ZNF341: variants seen among roughly 807,000 people sequenced by gnomAD.
The protein encoded by ZNF341 is zinc finger protein 341.
A neutral mutation model predicts 87.7 loss-of-function variants in ZNF341; 52 were observed. That is an observed-to-expected ratio of 0.59 (90% confidence interval 0.47 to 0.75). ZNF341 has a LOEUF of 0.75. Ranked by LOEUF, ZNF341 falls within the 30% of genes least tolerant of loss-of-function variation. ZNF341 has a pLI of 0.00. For synonymous variants in ZNF341, 459 were observed against 472.7 expected (o/e 0.97, Z 0.38); for missense variants, 977 against 1,145.9 (o/e 0.85, Z 2.13).
chr20:33,785,183 A>G (rs1293686539), intron 12 of ZNF341, among the ~76,000 whole-genome samples: 1 of 152,156 alleles, frequency 6.6e-6, no homozygotes, highest in Non-Finnish European at 1.5e-5. Context: ...CTCTCACTTC[A>G]GATGGACAAT....
intron 14 of ZNF341, among the ~76,000 whole-genome samples, chr20:33,790,528 TAA>T (rs1207446038): frequency 6.6e-6 from 1 of 151,786 alleles, no homozygotes; most frequent in Non-Finnish European, 1.5e-5. Flanking sequence ...CTCTGGGGGG[TAA>T]AGTCTCCCTT....
At chr20:33,743,736 C>T (rs191228831) in intron 2 of ZNF341, among the ~76,000 whole-genome samples, 9 of 152,324 alleles carry the variant, frequency 5.9e-5, no homozygotes, top group Non-Finnish European at 1.0e-4. Flanking sequence ...GGGTGCTTGA[C>T]ACAGTGAGCG....
intron 10 of ZNF341, 130 bp downstream of exon 10, chr20:33,770,422 G>A (rs574187866): frequency 1.7e-5 from 16 of 928,576 alleles, no homozygotes; most frequent in African/African-American, 1.5e-4. Flanking sequence ...GAGGCTCCTG[G>A]CTGGGGTCCA....
At chr20:33,769,331 A>G (rs2019474790) in intron 9 of ZNF341, among the ~76,000 whole-genome samples, 1 of 130,378 alleles carries the variant, frequency 7.7e-6, no homozygotes, top group Admixed American at 8.3e-5. Context: ...CAGACCCACT[A>G]AGTCAGATTT....
In ZNF341 at chr20:33,732,092, C is replaced by T; in HGVS notation, c.31+40C>T. The T allele has an allele frequency of 1.7e-6, 2 of 1,206,906 alleles. No homozygotes were observed. Among genetic ancestry groups the T allele is most frequent in the Non-Finnish European group, 2.1e-6 (2 of 969,474 alleles). 74.8% of individuals were successfully genotyped at this position (1,206,906 alleles called of 1,614,324 possible). A position where few individuals can be genotyped will look rare whatever the true frequency, so the allele number is the denominator to read the frequency against. On this transcript the variant is annotated intron_variant, in intron 1 of 14. Coordinates refer to ENST00000375200, the MANE Select transcript of ZNF341 (RefSeq NM_001282933.2). This position sits in a 1 kb window ranked among gnomAD's most constrained non-coding sequence, Gnocchi z 4.5. ...GGCCGGCGGAGGCGGCTGTTCCGCGCTGCGCCCCCTCCCGCCGCGCCCTCG... is the reference window on the plus strand; with the variant it reads ...GGCCGGCGGAGGCGGCTGTTCCGCGTTGCGCCCCCTCCCGCCGCGCCCTCG...
Position 33,783,533 on chromosome 20 carries a change from G to A in ZNF341, c.1720-199G>A, listed in dbSNP as rs192590243. Among the ~76,000 whole-genome samples, 7 of 152,284 alleles carry A rather than the reference G, an allele frequency of 4.6e-5. No individual in the cohort carries two copies. The East Asian group carries it at 1.2e-3, about 25-fold the overall frequency. On this transcript the variant is annotated intron_variant, in intron 11 of 14. Transcript: ENST00000375200. ...GGAAGAACATCCGGGCAAAAGCTCAGGGCAGACATGTTTTGTCCGGGCTTG... is the reference window on the plus strand; with the variant it reads ...GGAAGAACATCCGGGCAAAAGCTCAAGGCAGACATGTTTTGTCCGGGCTTG...
Position 33,791,457 on chromosome 20 carries a change from T to C in ZNF341, c.2505T>C (p.Ala835=), listed in dbSNP as rs2626551. 1,063,967 of 1,605,122 alleles carry C rather than the reference T, an allele frequency of 0.66. 359,420 individuals carry two copies. The highest frequency in any genetic ancestry group is 0.94 in the East Asian group (42,318 of 44,804). The change falls in exon 15 of 15, where the codon GCT becomes GCC. Residue 835 remains alanine, a synonymous_variant. Transcript: ENST00000375200. ...GSNLALAELQ[A]GAEGPCAMLA... is the part of the protein sequence containing the mutation. Reference sequence around the variant, plus strand: ...ACCTGGCTCTGGCGGAGCTGCAGGCTGGGGCCGAGGGCCCATGTGCCATGC... The same window carrying C: ...ACCTGGCTCTGGCGGAGCTGCAGGCCGGGGCCGAGGGCCCATGTGCCATGC...
At position 33,755,240 on chromosome 20, in the gene ZNF341, C is replaced by T. The variant is rs193240372; in HGVS notation, c.741+1817C>T. ...GATTACAGGCATGAGCCACCACACC[C>T]GTCCCAACAAGTATTTATTGAGTGC... is the stretch of plus-strand genomic sequence containing the variant. On this transcript the variant is annotated intron_variant, in intron 5 of 14. Transcript: ENST00000375200. Among the ~76,000 whole-genome samples, 38 of 152,252 alleles carry T rather than the reference C, an allele frequency of 2.5e-4. 1 individual carries two copies. The East Asian group carries it at 7.0e-3, about 28-fold the overall frequency.
At chr20:33,733,634 A>G (rs2018624669) in intron 1 of ZNF341, among the ~76,000 whole-genome samples, 1 of 152,054 alleles carries the variant, frequency 6.6e-6, no homozygotes, top group Non-Finnish European at 1.5e-5. Flanking sequence ...CAGCCTCCCA[A>G]AGTGCTGGGA....
intron 5 of ZNF341, among the ~76,000 whole-genome samples, chr20:33,755,351 TA>T (rs1388174168): frequency 2.0e-5 from 3 of 151,210 alleles, no homozygotes; most frequent in African/African-American, 4.9e-5. Context: ...AAATTAGAGA[TA>T]GGGGTCTCAC....
At chr20:33,747,098 A>C (rs1222147209) in intron 3 of ZNF341, among the ~76,000 whole-genome samples, 5 of 152,160 alleles carry the variant, frequency 3.3e-5, no homozygotes, top group Non-Finnish European at 7.4e-5. Flanking sequence ...CACCCTGGAT[A>C]GGGGGCTCAT....
At chr20:33,738,934 G>T (rs1468963308) in intron 1 of ZNF341, among the ~76,000 whole-genome samples, 3 of 152,350 alleles carry the variant, frequency 2.0e-5, no homozygotes, top group Non-Finnish European at 4.4e-5. Flanking sequence ...CATGGATTCA[G>T]TTTGGCTGCA....
rs370107539 is a variant in ZNF341, at chr20:33,791,221, G to A, written c.2269G>A (p.Gly757Ser). ...GAGGAGGGCAGCCCCCCGCAGTTGC[G>A]GCAGTGGTGGGCGCAAGGTGCTGAC... ...PQRRAAPRSC[G>S]SGGRKVLTPL... The change falls in exon 15 of 15, where the codon GGC (glycine) becomes AGC (serine). Residue 757 changes from glycine (G) to serine (S), a missense_variant. Around this residue, in one of 3 missense-constraint regions of ZNF341, gnomAD observed 221 missense variants for 212.7 expected, o/e 1.04. Coordinates refer to ENST00000375200, the MANE Select transcript of ZNF341 (RefSeq NM_001282933.2). The A allele has an allele frequency of 8.1e-5, 131 of 1,611,944 alleles. No individual in the cohort carries two copies. The highest frequency in any genetic ancestry group is 2.2e-4 in the East Asian group (10 of 44,874).
At chr20:33,765,774 A>G (rs1601263732) in intron 8 of ZNF341, among the ~76,000 whole-genome samples, 1 of 152,166 alleles carries the variant, frequency 6.6e-6, no homozygotes, top group Admixed American at 6.6e-5. Flanking sequence ...GAGGCCTACT[A>G]TGTGCCAGGC....
chr20:33,745,226 C>T lies in ZNF341; in HGVS notation c.266C>T (p.Ala89Val), dbSNP rs1199312313. The stretch of plus-strand genomic sequence containing the variant: ...CCCGCCCTGGCCACAGTCTCACTGG[C>T]CACCAACAGCATCTACCCACCTTCG... ...NAPALATVSL[A>V]TNSIYPPSAA... Residue 89 changes from alanine to valine, a missense_variant, in exon 3 of 15, where the codon GCC (alanine) becomes GTC (valine). Around this residue, in one of 3 missense-constraint regions of ZNF341, gnomAD observed 515 missense variants for 598.2 expected, o/e 0.86. Coordinates refer to ENST00000375200, the MANE Select transcript of ZNF341 (RefSeq NM_001282933.2). 1.9e-6 allele frequency: 3 copies of T among 1,614,088 alleles called. No individual in the cohort carries two copies. Among genetic ancestry groups the T allele is most frequent in the Admixed American group, 3.3e-5 (2 of 59,998 alleles).
intron 9 of ZNF341, among the ~76,000 whole-genome samples, chr20:33,768,280 A>G (rs2019452329): frequency 6.6e-6 from 1 of 151,616 alleles, no homozygotes; most frequent in African/African-American, 2.4e-5. Flanking sequence ...CCCCCACCAC[A>G]CCCAGCTAAT....
In ZNF341 at chr20:33,745,218, C is replaced by G. The variant is rs377453094; in HGVS notation, c.258C>G (p.Val86=). The change falls in exon 3 of 15, where the codon GTC becomes GTG. Residue 86 remains valine (V), a synonymous_variant. Coordinates refer to ENST00000375200, the MANE Select transcript of ZNF341 (RefSeq NM_001282933.2). ...GGAATGCCCCCGCCCTGGCCACAGT[C>G]TCACTGGCCACCAACAGCATCTACC... The part of the protein sequence containing the change: ...CQGNAPALAT[V]SLATNSIYPP... 1 of 1,614,210 alleles carries G rather than the reference C, an allele frequency of 6.2e-7. No homozygotes were observed. The highest frequency in any genetic ancestry group is 8.5e-7 in the Non-Finnish European group (1 of 1,180,028).
Position 33,791,611 on chromosome 20 carries a change from C to T in ZNF341, c.*94C>T, listed in dbSNP as rs1029821981. 8 of 1,305,130 alleles carry T rather than the reference C, an allele frequency of 6.1e-6. No homozygotes were observed. Among genetic ancestry groups the T allele is most frequent in the Admixed American group, 2.9e-5 (1 of 34,648 alleles). The allele number at this position is 1,305,130 out of a possible 1,614,324, so 80.8% of individuals were successfully genotyped here. A position where few individuals can be genotyped will look rare whatever the true frequency, so the allele number is the denominator to read the frequency against. On this transcript the variant is annotated 3_prime_UTR_variant, in exon 15 of 15. Transcript: ENST00000375200. ...GACCGGTGATCCTTACCAGTGGAAGCGAGCCATCGAGCCATTGGCAGAAAT... is the reference window on the plus strand; with the variant it reads ...GACCGGTGATCCTTACCAGTGGAAGTGAGCCATCGAGCCATTGGCAGAAAT...
At chr20:33,742,105 G>A (rs1210226528) in intron 2 of ZNF341, among the ~76,000 whole-genome samples, 2 of 152,218 alleles carry the variant, frequency 1.3e-5, no homozygotes, top group East Asian at 1.9e-4. Flanking sequence ...CCCTCGAGCT[G>A]CAGCCCGGGA....
Sources: gnomAD v4.1 joint callset for allele counts (sites outside exome capture counted in the v4.1 genomes callset) on GRCh38, gnomAD v4.1.1 for gene constraint, gnomAD v4.1.1 regional missense constraint, Gnocchi (gnomAD v3.1) non-coding constraint, MANE v1.5 for transcripts, NCBI Gene and HGNC (gene_info 2026-07-23, HGNC 2026-07-21) for gene names.